The following TMEM223 variants were observed in gnomAD, a reference collection of about 807,000 sequenced individuals.
The protein encoded by TMEM223 is transmembrane protein 223.
In TMEM223, 14 loss-of-function variants were observed where a neutral mutation model predicts 14.1. The ratio of observed to expected loss-of-function variants is 0.99; its 90% confidence interval spans 0.66 to 1.55. The LOEUF is 1.55. Among genes scored for constraint, TMEM223 ranks in the 40% most tolerant of loss-of-function variants. TMEM223 has a pLI of 0.00. For synonymous variants in TMEM223, 145 were observed against 120.5 expected (o/e 1.20, Z -1.33); for missense variants, 346 against 269.9 (o/e 1.28, Z -1.97).
intron 1 of TMEM223, chr11:62,776,532 A>G (rs1415153762): frequency 1.3e-6 from 2 of 1,534,980 alleles, no homozygotes; most frequent in South Asian, 1.1e-5. Context: ...TGTCCAGTTC[A>G]GGGCTGGCGA....
chr11:62,779,170 G>A (rs563113815), intron 1 of TMEM223, among the ~76,000 whole-genome samples: 7 of 152,070 alleles, frequency 4.6e-5, no homozygotes, highest in Admixed American at 6.6e-5. Context: ...ACAGGCGTGT[G>A]CCAGCATGCC....
downstream of TMEM223, chr11:62,786,719 C>A: frequency 3.1e-6 from 5 of 1,613,084 alleles, no homozygotes; most frequent in Non-Finnish European, 4.2e-6. Context: ...CCGGAGGACC[C>A]TTCTCTTTCG....
intron 1 of TMEM223, chr11:62,778,251 G>C (rs200806239): frequency 1.2e-6 from 2 of 1,614,046 alleles, no homozygotes; most frequent in East Asian, 4.5e-5. Flanking sequence ...GGGGCAAAAC[G>C]CCAGGCTGAC....
intron 1 of TMEM223, among the ~76,000 whole-genome samples, chr11:62,775,018 C>T (rs997600158): frequency 6.7e-6 from 1 of 148,892 alleles, no homozygotes. Flanking sequence ...GAGCTGAGAT[C>T]GCGCTGCTAC....
intron 1 of TMEM223, among the ~76,000 whole-genome samples, chr11:62,777,755 G>A (rs2084197568): frequency 6.6e-6 from 1 of 152,168 alleles, no homozygotes; most frequent in South Asian, 2.1e-4. Context: ...TTCCAGTTAT[G>A]GGAGGAGCGA....
chr11:62,784,947 A>C (rs2084259200), downstream of TMEM223, among the ~76,000 whole-genome samples: 1 of 152,178 alleles, frequency 6.6e-6, no homozygotes, highest in Non-Finnish European at 1.5e-5. Flanking sequence ...GCCTTACAGA[A>C]TGATGTGGGG....
intron 1 of TMEM223, among the ~76,000 whole-genome samples, chr11:62,780,028 G>A (rs1463176113): frequency 7.2e-6 from 1 of 139,334 alleles, no homozygotes; most frequent in African/African-American, 2.8e-5. Flanking sequence ...TGCCCAGGCT[G>A]GTGAAACTCC....
chr11:62,773,727 C>T (rs917127629), intron 2 of TMEM223, among the ~76,000 whole-genome samples: 3 of 152,114 alleles, frequency 2.0e-5, no homozygotes, highest in Non-Finnish European at 4.4e-5. Context: ...GGATTAGAGG[C>T]GTGAGCCACT....
chr11:62,779,976 A>ATTTTT (rs1277954265), intron 1 of TMEM223, among the ~76,000 whole-genome samples: 3 of 52,620 alleles, frequency 5.7e-5, no homozygotes, highest in African/African-American at 1.5e-4. Context: ...ATATATATAT[A>ATTTTT]TTTTTTTTTT....
downstream of TMEM223, among the ~76,000 whole-genome samples, chr11:62,783,481 CAA>C (rs1038569482): frequency 2.2e-4 from 16 of 72,242 alleles, no homozygotes; most frequent in South Asian, 3.7e-3. Flanking sequence ...GACTCTGTCT[CAA>C]AAAAAAAAAA....
Position 62,790,646 on chromosome 11 carries a change from C to A in TMEM223, c.586G>T (p.Val196Leu). ...FPNTKLFDNT[V>L]GAYRSL Reference sequence around the variant, plus strand: ...CTTCACAAGCTCCGGTAGGCACCCACAGTATTGTCAAAGAGTTTTGTGTTA... The same window carrying A: ...CTTCACAAGCTCCGGTAGGCACCCAAAGTATTGTCAAAGAGTTTTGTGTTA... Residue 196 changes from valine (V) to leucine (L), a missense_variant, in exon 2 of 2, where the codon GTG (valine) becomes TTG (leucine). Val to Leu is a conservative substitution (Grantham distance 32). Coordinates refer to ENST00000307366, the MANE Select transcript of TMEM223 (RefSeq NM_001080501.3). 6.2e-7 allele frequency: 1 copy of A among 1,610,832 alleles called. No homozygotes were observed.
At chr11:62,779,491 A>G (rs1462673772) in intron 1 of TMEM223, among the ~76,000 whole-genome samples, 2 of 151,594 alleles carry the variant, frequency 1.3e-5, no homozygotes, top group African/African-American at 4.9e-5. Context: ...CACCGTGCCC[A>G]GCCTTATATT....
chr11:62,780,801 G>T (rs547131527), intron 1 of TMEM223, among the ~76,000 whole-genome samples: 1 of 151,288 alleles, frequency 6.6e-6, no homozygotes, highest in Admixed American at 6.6e-5. Flanking sequence ...GCCGGGCTTG[G>T]TGGCATGCGT....
chr11:62,789,761 C>T (rs1176756433), downstream of TMEM223: 8 of 1,514,480 alleles, frequency 5.3e-6, no homozygotes. Flanking sequence ...TGAGCTTGGC[C>T]TACCAGTGAG....
At chr11:62,788,988 C>T (rs776351955), downstream of TMEM223, 11 of 1,586,082 alleles carry the variant, frequency 6.9e-6, no homozygotes, top group East Asian at 1.6e-4. Context: ...GAGACATTAA[C>T]CTGAAATCTA....
chr11:62,777,971 T>C (rs1352772895), intron 1 of TMEM223: 2 of 1,613,974 alleles, frequency 1.2e-6, no homozygotes, highest in Non-Finnish European at 1.7e-6. Flanking sequence ...ATTCCCTTTT[T>C]CCTCAGGCTG....
At chr11:62,791,133 TA>T (rs1354757848) in intron 1 of TMEM223, among the ~76,000 whole-genome samples, 1 of 152,076 alleles carries the variant, frequency 6.6e-6, no homozygotes, top group East Asian at 1.9e-4. Flanking sequence ...ACAACCTTAA[TA>T]GATGTCCGTT....
chr11:62,772,553 G>A (rs2134694450), intron 2 of TMEM223, among the ~76,000 whole-genome samples: 1 of 147,892 alleles, frequency 6.8e-6, no homozygotes, highest in South Asian at 2.2e-4. Context: ...GTCGGGCCAG[G>A]TGCGGTGGCT....
chr11:62,784,631 T>G (rs918098697), downstream of TMEM223, among the ~76,000 whole-genome samples: 1 of 152,184 alleles, frequency 6.6e-6, no homozygotes, highest in African/African-American at 2.4e-5. Flanking sequence ...ATCATCAATT[T>G]ATATTGGATT....
Sources: gnomAD v4.1 joint callset for allele counts (sites outside exome capture counted in the v4.1 genomes callset) on GRCh38, gnomAD v4.1.1 for gene constraint, MANE v1.5 for transcripts, NCBI Gene and HGNC (gene_info 2026-07-23, HGNC 2026-07-21) for gene names.